PRUNE2: variants seen among roughly 807,000 people sequenced by gnomAD.
The protein encoded by PRUNE2 is protein prune homolog 2.
In PRUNE2, 164 loss-of-function variants were observed where a neutral mutation model predicts 252.0. The ratio of observed to expected loss-of-function variants is 0.65; its 90% CI spans 0.57 to 0.74. PRUNE2 has a LOEUF of 0.74. PRUNE2 is among the 30% of genes least tolerant of loss of function. PRUNE2 has a pLI of 0.00. For missense variants in PRUNE2, 3,495 were observed against 3,711.0 expected, an observed-to-expected ratio of 0.94 and a Z score of 1.51; for synonymous variants, 1,292 against 1,350.2, an observed-to-expected ratio of 0.96 and a Z score of 0.94.
At chr9:76,727,513 C>T (rs751501570) in intron 6 of PRUNE2, among the ~76,000 whole-genome samples, 2 of 151,978 alleles carry the variant, frequency 1.3e-5, no homozygotes, top group Non-Finnish European at 2.9e-5. Context: ...AACCAAGCTT[C>T]GATTCTCTTA....
chr9:76,724,166 C>A (rs184913638), intron 6 of PRUNE2, among the ~76,000 whole-genome samples: 1 of 149,184 alleles, frequency 6.7e-6, no homozygotes, highest in African/African-American at 2.5e-5. Flanking sequence ...GTTAAGAACT[C>A]CTTGAAATCA....
chr9:76,755,999 G>A (rs2051115143), intron 6 of PRUNE2, among the ~76,000 whole-genome samples: 3 of 152,168 alleles, frequency 2.0e-5, no homozygotes, highest in African/African-American at 7.2e-5. Flanking sequence ...CACCGCGCCT[G>A]GCCAGGGGAT....
At chr9:76,870,777 G>C (rs1466727869) in intron 1 of PRUNE2, among the ~76,000 whole-genome samples, 1 of 150,386 alleles carries the variant, frequency 6.6e-6, no homozygotes, top group Admixed American at 6.6e-5. Context: ...GGCAAGAGAA[G>C]ACAGGCAGGT....
intron 1 of PRUNE2, among the ~76,000 whole-genome samples, chr9:76,892,952 C>T (rs1234502517): frequency 1.3e-5 from 2 of 152,178 alleles, no homozygotes; most frequent in Non-Finnish European, 2.9e-5. Context: ...GGCACAGTGG[C>T]TCACACCTCT....
chr9:76,615,700 A>T (rs1053385732), intron 18 of PRUNE2, among the ~76,000 whole-genome samples: 4 of 150,668 alleles, frequency 2.7e-5, no homozygotes, highest in African/African-American at 7.4e-5. Context: ...TGAACATATC[A>T]TAATGTCTGT....
chr9:76,851,004 C>CAT (rs2059926506), intron 2 of PRUNE2, among the ~76,000 whole-genome samples: 1 of 151,782 alleles, frequency 6.6e-6, no homozygotes, highest in South Asian at 2.1e-4. Context: ...TAAATATATG[C>CAT]ATATATATAA....
At chr9:76,697,789 T>C (rs117609332) in intron 9 of PRUNE2, among the ~76,000 whole-genome samples, 2,758 of 152,286 alleles carry the variant, frequency 0.018, 49 homozygotes, top group Non-Finnish European at 0.03. Flanking sequence ...ATGAAGCAGT[T>C]CATGTGTTAA....
chr9:76,803,323 A>G (rs1055552445), intron 6 of PRUNE2, among the ~76,000 whole-genome samples: 13 of 152,224 alleles, frequency 8.5e-5, no homozygotes, highest in African/African-American at 3.1e-4. Flanking sequence ...GTGAAAAGGG[A>G]CAAGACCACC....
chr9:76,744,063 G>A (rs150159608), intron 6 of PRUNE2, among the ~76,000 whole-genome samples: 34 of 152,290 alleles, frequency 2.2e-4, no homozygotes, highest in Admixed American at 5.2e-4. Context: ...ACTAGTGGTT[G>A]AGAGTTAACT....
At chr9:76,817,442 AT>A (rs1410089291) in intron 6 of PRUNE2, among the ~76,000 whole-genome samples, 1 of 152,164 alleles carries the variant, frequency 6.6e-6, no homozygotes, top group African/African-American at 2.4e-5. Context: ...ATTTGATGAC[AT>A]TTTTCAGCCT....
rs12001120 is a variant in PRUNE2 at position 76,794,248 on chromosome 9, G to A, written c.756+29384C>T. On this transcript the variant is annotated intron_variant, in intron 6 of 18. Transcript: ENST00000376718. ...TAAATATGCTGATATGGCAAATGGC[G>A]GAACCAGGATTTCAGACTCAGGCCC... is the stretch of plus-strand genomic sequence containing the variant. Among the ~76,000 whole-genome samples, 209 of 152,262 alleles carry A rather than the reference G, an allele frequency of 1.4e-3. 1 individual carries two copies. The highest frequency in any genetic ancestry group is 4.9e-3 in the African/African-American group (204 of 41,550).
chr9:76,786,464 G>C (rs1039824679), intron 6 of PRUNE2: 1 of 152,386 alleles, frequency 6.6e-6, no homozygotes, highest in African/African-American at 2.4e-5. Context: ...AAGGAAACCA[G>C]TGTCATGAGT....
Position 76,886,547 on chromosome 9 carries a change from C to CT in PRUNE2, c.36+19380dup, listed in dbSNP as rs551885359. 2.8e-3 allele frequency among the ~76,000 whole-genome samples: 420 copies of CT among 152,328 alleles called. 4 individuals carry two copies. Among genetic ancestry groups the CT allele is most frequent in the African/African-American group, 9.6e-3 (398 of 41,580 alleles). On this transcript the variant is annotated intron_variant, in intron 1 of 18. Transcript: ENST00000376718. ...AAGCCACTGACTTCCGGACAGAAGC[C>CT]TGGAGGCCTCTCCTTTCTGCCCTTG...
intron 1 of PRUNE2, among the ~76,000 whole-genome samples, chr9:76,900,492 G>A (rs973678526): frequency 2.0e-5 from 3 of 152,110 alleles, no homozygotes; most frequent in Admixed American, 6.5e-5. Flanking sequence ...TTTTGAGTAC[G>A]CTAATTTGAG....
chr9:76,651,647 C>T (rs1371865081), intron 11 of PRUNE2, among the ~76,000 whole-genome samples: 1 of 152,118 alleles, frequency 6.6e-6, no homozygotes, highest in Non-Finnish European at 1.5e-5. Flanking sequence ...TTTCTTAAAC[C>T]AGATTTCATA....
At chr9:76,837,873 G>A (rs545744877) in intron 4 of PRUNE2, among the ~76,000 whole-genome samples, 69 of 150,710 alleles carry the variant, frequency 4.6e-4, no homozygotes, top group African/African-American at 1.1e-3. Flanking sequence ...CTGGGTTCAC[G>A]CCATTCTCCT....
At chr9:76,809,839 T>C (rs1479661370) in intron 6 of PRUNE2, among the ~76,000 whole-genome samples, 1 of 152,224 alleles carries the variant, frequency 6.6e-6, no homozygotes, top group African/African-American at 2.4e-5. Flanking sequence ...ACCACGTTAA[T>C]GGGTGATTAA....
chr9:76,612,231 T>G lies in PRUNE2; in HGVS notation c.*2339A>C, dbSNP rs1827655424. On this transcript the variant is annotated 3_prime_UTR_variant, in exon 19 of 19. Transcript: ENST00000376718. The stretch of plus-strand genomic sequence containing the variant: ...GGGACAAATGCCCATAATTTTCATG[T>G]AGGAAGATGAGGCTTCAAACAGCAT... 6.6e-6 allele frequency: 1 copy of G among 152,204 alleles called. No homozygotes were observed. The highest frequency in any genetic ancestry group is 1.5e-5 in the Non-Finnish European group (1 of 68,040). 9.4% of individuals were successfully genotyped at this position (152,204 alleles called of 1,614,324 possible). A position where few individuals can be genotyped will look rare whatever the true frequency, so the allele number is the denominator to read the frequency against.
chr9:76,772,185 C>A (rs1372457558), intron 6 of PRUNE2, among the ~76,000 whole-genome samples: 1 of 152,130 alleles, frequency 6.6e-6, no homozygotes, highest in East Asian at 1.9e-4. Context: ...CCTATCCTGG[C>A]ACCAAAATGA....
Sources: allele counts gnomAD v4.1 joint callset (sites outside exome capture counted in the v4.1 genomes callset), GRCh38; gene constraint gnomAD v4.1.1; transcripts MANE v1.5; gene names NCBI Gene and HGNC (gene_info 2026-07-23, HGNC 2026-07-21).